Variants in ITSN1 observed in about 807,000 individuals in gnomAD.
ITSN1 encodes the protein intersectin 1.
A neutral mutation model predicts 239.8 loss-of-function variants in ITSN1; 58 were observed. The ratio of observed to expected loss-of-function variants is 0.24; its 90% CI spans 0.20 to 0.30. The LOEUF is 0.30. Among genes scored for constraint, ITSN1 ranks in the 10% least tolerant of loss-of-function variants. The probability of loss-of-function intolerance (pLI) is 1.00; values close to 1 mark genes in which losing one functional copy is unlikely to be tolerated. For missense variants in ITSN1, 1,558 were observed against 2,103.3 expected, an observed-to-expected ratio of 0.74 and a Z score of 5.07; for synonymous variants, 780 against 770.8, an observed-to-expected ratio of 1.01 and a Z score of -0.20.
At chr21:33,680,512 A>G (rs936471920) in intron 1 of ITSN1, among the ~76,000 whole-genome samples, 1 of 151,678 alleles carries the variant, frequency 6.6e-6, no homozygotes, top group Non-Finnish European at 1.5e-5. Context: ...TTGTGTTTTT[A>G]TAGAGAAAGG....
intron 26 of ITSN1, chr21:33,829,376 T>A: frequency 2.1e-6 from 1 of 477,388 alleles, no homozygotes; most frequent in Non-Finnish European, 3.8e-6. Context: ...TAAGTAAGTT[T>A]CACGGGATGA....
intron 2 of ITSN1, among the ~76,000 whole-genome samples, chr21:33,720,594 T>G (rs1159654747): frequency 1.3e-5 from 2 of 152,154 alleles, no homozygotes; most frequent in African/African-American, 4.8e-5. Context: ...TCCTGCATAC[T>G]GAGATACCTG....
At chr21:33,866,937 G>GCCAGAATCTCATCTCTGTGCAAAC (rs1981707084) in intron 32 of ITSN1, among the ~76,000 whole-genome samples, 1 of 152,322 alleles carries the variant, frequency 6.6e-6, no homozygotes, top group South Asian at 2.1e-4. Flanking sequence ...TCTGTGTAAA[G>GCCAGAATCTCATCTCTGTGCAAAC]CCAGAATCTC....
chr21:33,800,484 CAAAG>C (rs2071906199), intron 19 of ITSN1, among the ~76,000 whole-genome samples: 1 of 152,110 alleles, frequency 6.6e-6, no homozygotes, highest in Admixed American at 6.6e-5. Context: ...ATCTTTGCAT[CAAAG>C]CATCTTTTTT....
chr21:33,799,928 T>G lies in ITSN1; in HGVS notation c.2303T>G (p.Met768Arg). The G allele has an allele frequency of 6.2e-7, 1 of 1,613,382 alleles. No homozygotes were observed. Among genetic ancestry groups the G allele is most frequent in the South Asian group, 1.1e-5 (1 of 90,832 alleles). ...EITIQPGDIV[M>R]VKGEWVDESQ... ...ACTATCCAGCCAGGAGACATAGTCA[T>G]GGTAAGAAAGACTCCAGTGAGAGGG... The change falls in exon 19 of 40, where the codon ATG becomes AGG. Residue 768 changes from methionine to arginine, a missense_variant and splice_region_variant. Around this residue, in one of 2 missense-constraint regions of ITSN1, gnomAD observed 982 missense variants for 1,209.9 expected, o/e 0.81. Coordinates refer to ENST00000381318, the MANE Select transcript of ITSN1 (RefSeq NM_003024.3).
chr21:33,778,517 T>C (rs2069832436), intron 14 of ITSN1, among the ~76,000 whole-genome samples: 1 of 151,614 alleles, frequency 6.6e-6, no homozygotes, highest in Non-Finnish European at 1.5e-5. Context: ...AATGAACTTG[T>C]TTATATTATC....
intron 24 of ITSN1, among the ~76,000 whole-genome samples, chr21:33,821,502 A>T (rs997564316): frequency 3.9e-5 from 6 of 152,214 alleles, no homozygotes; most frequent in African/African-American, 1.4e-4. Context: ...AAATATTTAA[A>T]ATATTGGCTT....
At position 33,834,387 on chromosome 21, in the gene ITSN1, T is replaced by C. The variant is rs920584527; in HGVS notation, c.3432T>C (p.Thr1144=). ...KLLSPGTSKI[T]PTEPPKSTAL... ...TAAGCCCTGGGACGAGCAAAATCACTCCAACAGAGCCACCTAAGTCAACAG... is the reference window on the plus strand; with the variant it reads ...TAAGCCCTGGGACGAGCAAAATCACCCCAACAGAGCCACCTAAGTCAACAG... The change falls in exon 28 of 40, where the codon ACT becomes ACC. Residue 1144 remains threonine (T), a synonymous_variant. Coordinates refer to ENST00000381318, the MANE Select transcript of ITSN1 (RefSeq NM_003024.3). The C allele has an allele frequency of 9.3e-6, 15 of 1,613,614 alleles. No individual in the cohort carries two copies. Among genetic ancestry groups the C allele is most frequent in the Non-Finnish European group, 1.3e-5 (15 of 1,179,678 alleles).
chr21:33,827,733 G>T (rs910147005), intron 26 of ITSN1, among the ~76,000 whole-genome samples: 1 of 152,162 alleles, frequency 6.6e-6, no homozygotes, highest in Non-Finnish European at 1.5e-5. Flanking sequence ...GCACGAAAAA[G>T]AAAAGAAAGA....
intron 7 of ITSN1, among the ~76,000 whole-genome samples, chr21:33,753,992 G>A (rs2834257): frequency 0.31 from 47,173 of 151,756 alleles, 7,741 homozygotes; most frequent in East Asian, 0.55. Context: ...GAACTTTTGG[G>A]TACATCTTCA....
chr21:33,681,543 C>T (rs1393497454), intron 1 of ITSN1, among the ~76,000 whole-genome samples: 4 of 151,696 alleles, frequency 2.6e-5, no homozygotes, highest in Non-Finnish European at 2.9e-5. Flanking sequence ...AGTGAGACTC[C>T]GTCTCAAAAA....
chr21:33,741,311 C>T (rs2066834311), intron 5 of ITSN1, among the ~76,000 whole-genome samples: 1 of 151,788 alleles, frequency 6.6e-6, no homozygotes, highest in Admixed American at 6.6e-5. Flanking sequence ...ATCAAAAGAA[C>T]CAAATTTTTA....
At chr21:33,735,282 G>T (rs1313238879) in intron 5 of ITSN1, 78 bp downstream of exon 5, 2 of 1,420,368 alleles carry the variant, frequency 1.4e-6, no homozygotes, top group East Asian at 4.8e-5. Context: ...TTCCCTCTCG[G>T]TTTATAACAT....
intron 16 of ITSN1, among the ~76,000 whole-genome samples, chr21:33,792,523 ATTAT>A (rs902245985): frequency 6.6e-6 from 1 of 152,116 alleles, no homozygotes; most frequent in African/African-American, 2.4e-5. Flanking sequence ...ATTATTACTG[ATTAT>A]TTATTCTTGA....
At chr21:33,697,379 G>C (rs899529179) in intron 1 of ITSN1, among the ~76,000 whole-genome samples, 126 of 151,828 alleles carry the variant, frequency 8.3e-4, no homozygotes, top group African/African-American at 2.9e-3. Context: ...ACTGTGCCTA[G>C]CCTAGATTAT....
chr21:33,725,607 C>G (rs1422183660), intron 4 of ITSN1, among the ~76,000 whole-genome samples: 4 of 152,070 alleles, frequency 2.6e-5, no homozygotes, highest in African/African-American at 9.7e-5. Context: ...AAAATAAAAA[C>G]AGTTGTCCTA....
intron 4 of ITSN1, among the ~76,000 whole-genome samples, chr21:33,724,544 C>CT (rs2065701344): frequency 6.6e-6 from 1 of 152,360 alleles, no homozygotes; most frequent in South Asian, 2.1e-4. Context: ...CTTCCGCAGA[C>CT]TTAACTTCCT....
chr21:33,665,367 G>GT (rs2089861643), intron 1 of ITSN1, among the ~76,000 whole-genome samples: 1 of 152,182 alleles, frequency 6.6e-6, no homozygotes, highest in Non-Finnish European at 1.5e-5. Flanking sequence ...TGGTCAACCA[G>GT]TACATGAACA....
At chr21:33,668,408 C>T (rs186656379) in intron 1 of ITSN1, among the ~76,000 whole-genome samples, 1 of 152,324 alleles carries the variant, frequency 6.6e-6, no homozygotes, top group Admixed American at 6.5e-5. Context: ...AAGCCAGTGC[C>T]TCCAGCTACT....
Sources: gnomAD v4.1 joint callset for allele counts (sites outside exome capture counted in the v4.1 genomes callset) on GRCh38, gnomAD v4.1.1 for gene constraint, gnomAD v4.1.1 regional missense constraint, MANE v1.5 for transcripts, NCBI Gene and HGNC (gene_info 2026-07-23, HGNC 2026-07-21) for gene names.